The following ZNF324B variants were observed in gnomAD, a reference collection of about 807,000 sequenced individuals.
The protein encoded by ZNF324B is zinc finger protein 324B.
Under a neutral mutation model 10.6 loss-of-function variants are expected in ZNF324B, and 7 were observed. The observed-to-expected ratio is 0.66, with a 90% CI of 0.38 to 1.24. The LOEUF (loss-of-function observed/expected upper bound fraction) is 1.24. Among genes scored for constraint, ZNF324B ranks in the 50% most tolerant of loss-of-function variants. The probability of loss-of-function intolerance (pLI) is 0.02; values close to 1 mark genes in which losing one functional copy is unlikely to be tolerated. For synonymous variants in ZNF324B, 316 were observed against 321.0 expected, an observed-to-expected ratio of 0.98 and a Z score of 0.17; for missense variants, 640 against 764.7, an observed-to-expected ratio of 0.84 and a Z score of 1.92.
the ZNF324B span, among the ~76,000 whole-genome samples, chr19:58,427,323 C>CT: frequency 5.5e-5 from 5 of 91,252 alleles, no homozygotes; most frequent in African/African-American, 3.6e-4. Flanking sequence ...TTCTTTCTTT[C>CT]TTTCTTTCTT....
chr19:58,423,059 C>T, the ZNF324B span, among the ~76,000 whole-genome samples: 1 of 152,114 alleles, frequency 6.6e-6, no homozygotes, highest in Non-Finnish European at 1.5e-5. Flanking sequence ...TTAGTAGAGA[C>T]AGGGTTTCAC....
At chr19:58,451,058 C>A (rs761981840), upstream of ZNF324B, among the ~76,000 whole-genome samples, 37 of 152,148 alleles carry the variant, frequency 2.4e-4, no homozygotes, top group Non-Finnish European at 4.0e-4. Flanking sequence ...AAATGACAAG[C>A]GGGTAGTGTC....
the ZNF324B span, among the ~76,000 whole-genome samples, chr19:58,419,786 T>C: frequency 5.3e-5 from 8 of 152,144 alleles, no homozygotes; most frequent in Admixed American, 5.2e-4. Context: ...GAGAGACACG[T>C]AGGGTAACCA....
chr19:58,422,021 G>A, the ZNF324B span, among the ~76,000 whole-genome samples: 18 of 152,228 alleles, frequency 1.2e-4, no homozygotes, highest in African/African-American at 3.9e-4. Context: ...GGGTTCAAGC[G>A]ATTCGCCTGC....
Position 58,456,138 on chromosome 19 carries a change from A to T in ZNF324B, c.1194A>T (p.Val398=), listed in dbSNP as rs150517756. ...CGCACACAGGCGAGAAGCCCTTCGT[A>T]TGCGCGCTCTGCGGTGCTGCCTTCA... is the stretch of plus-strand genomic sequence containing the variant. ...ERTHTGEKPF[V]CALCGAAFSQ... The change falls in exon 4 of 4, where the codon GTA becomes GTT. Residue 398 remains valine, a synonymous_variant. Transcript: ENST00000336614. This position sits in a 1 kb window ranked among gnomAD's most constrained non-coding sequence, Gnocchi z 4.7. 1.2e-6 allele frequency: 2 copies of T among 1,613,002 alleles called. No homozygotes were observed. Among genetic ancestry groups the T allele is most frequent in the Non-Finnish European group, 8.5e-7 (1 of 1,179,752 alleles).
the ZNF324B span, chr19:58,434,344 T>C: frequency 6.2e-7 from 1 of 1,614,234 alleles, no homozygotes; most frequent in Non-Finnish European, 8.5e-7. Context: ...AGTGTGAACT[T>C]TCTCATGCCG....
At chr19:58,425,809 A>G in the ZNF324B span, among the ~76,000 whole-genome samples, 1 of 152,182 alleles carries the variant, frequency 6.6e-6, no homozygotes, top group Admixed American at 6.5e-5. Flanking sequence ...ACAGCCTAAC[A>G]AAAAGGTCAC....
the ZNF324B span, chr19:58,434,628 G>A: frequency 1.2e-6 from 2 of 1,614,200 alleles, no homozygotes; most frequent in South Asian, 2.2e-5. Flanking sequence ...TCTCCTCTAA[G>A]AAATTTCCAC....
At chr19:58,439,000 C>A in the ZNF324B span, among the ~76,000 whole-genome samples, 1 of 151,474 alleles carries the variant, frequency 6.6e-6, no homozygotes, top group Non-Finnish European at 1.5e-5. Context: ...TCTTGAACTC[C>A]TGACCTCAAG....
At chr19:58,424,887 G>T in the ZNF324B span, among the ~76,000 whole-genome samples, 2 of 152,088 alleles carry the variant, frequency 1.3e-5, no homozygotes, top group East Asian at 1.9e-4. Context: ...CTACCCAAGA[G>T]AATTCAAAGG....
At chr19:58,452,092 G>A (rs1005158078) in intron 1 of ZNF324B, 1 of 175,390 alleles carries the variant, frequency 5.7e-6, no homozygotes, top group African/African-American at 2.4e-5. Context: ...CTGCCCTGGG[G>A]GGGTTGCGGG....
chr19:58,434,494 T>C, the ZNF324B span: 25 of 1,614,086 alleles, frequency 1.5e-5, no homozygotes, highest in Non-Finnish European at 2.1e-5. Context: ...CTCATAATAT[T>C]TTACTTCAGT....
At chr19:58,423,326 A>G in the ZNF324B span, among the ~76,000 whole-genome samples, 1 of 151,610 alleles carries the variant, frequency 6.6e-6, no homozygotes, top group Non-Finnish European at 1.5e-5. Flanking sequence ...ACGCCTGGCT[A>G]ATTTTTTGTA....
the ZNF324B span, among the ~76,000 whole-genome samples, chr19:58,446,579 T>C: frequency 2.4e-4 from 34 of 142,160 alleles, no homozygotes; most frequent in East Asian, 3.9e-4. Flanking sequence ...TTCTCTTTTT[T>C]TTTTTTTTTT....
rs1282503157 is a variant in ZNF324B at position 58,457,002 on chromosome 19, A to G, written c.*423A>G. 5.0e-6 allele frequency: 1 copy of G among 201,104 alleles called. No homozygotes were observed. The highest frequency in any genetic ancestry group is 2.3e-5 in the African/African-American group (1 of 43,712). 12.5% of individuals were successfully genotyped at this position (201,104 alleles called of 1,614,324 possible). ...TGTCTGCACACAAACTGGCCGCTAG[A>G]CGGACGCTGAGGACATTTTCCCCCT... On this transcript the variant is annotated 3_prime_UTR_variant, in exon 4 of 4. Transcript: ENST00000336614.
the ZNF324B span, chr19:58,433,571 T>C: frequency 4.3e-5 from 69 of 1,614,114 alleles, no homozygotes; most frequent in Non-Finnish European, 5.5e-5. Flanking sequence ...TCGTAAGGCC[T>C]TTCTCCAGTG....
Position 58,456,588 on chromosome 19 carries a change from G to T in ZNF324B, c.*9G>T, listed in dbSNP as rs1225688772. 3.7e-6 allele frequency: 6 copies of T among 1,610,454 alleles called. No individual in the cohort carries two copies. Among genetic ancestry groups the T allele is most frequent in the African/African-American group, 1.3e-5 (1 of 74,880 alleles). ...AGCCAGCGAAGGTCTGAGGTCACAG[G>T]TCGCAGCCCAACCCTTTCTTGGCCT... On this transcript the variant is annotated 3_prime_UTR_variant, in exon 4 of 4. Transcript: ENST00000336614. The surrounding 1 kb of genome is among the most constrained non-coding windows in gnomAD (Gnocchi z 4.7).
chr19:58,432,460 C>T, the ZNF324B span: 1 of 375,992 alleles, frequency 2.7e-6, no homozygotes, highest in African/African-American at 2.1e-5. Flanking sequence ...TACCCAAATC[C>T]CTGGTTATTA....
the ZNF324B span, chr19:58,437,806 G>C: frequency 2.6e-5 from 26 of 985,254 alleles, no homozygotes; most frequent in Non-Finnish European, 3.1e-5. Flanking sequence ...GGCAGTCATA[G>C]CCCCTCAAGT....
Sources: allele counts gnomAD v4.1 joint callset (sites outside exome capture counted in the v4.1 genomes callset), GRCh38; gene constraint gnomAD v4.1.1; non-coding constraint Gnocchi (gnomAD v3.1); transcripts MANE v1.5; gene names NCBI Gene and HGNC (gene_info 2026-07-23, HGNC 2026-07-21).